Variants in KCNH5 observed in about 807,000 individuals in gnomAD.
The protein encoded by KCNH5 is voltage-gated delayed rectifier potassium channel KCNH5.
KCNH5 carries 46 observed loss-of-function variants against 96.1 expected under a neutral mutation model. That is an observed-to-expected ratio of 0.48 (90% confidence interval 0.38 to 0.61). The LOEUF (loss-of-function observed/expected upper bound fraction) is 0.61. Among genes scored for constraint, KCNH5 ranks in the 20% least tolerant of loss-of-function variants. The pLI, the probability that KCNH5 is intolerant of heterozygous loss-of-function variation, is 0.00. For synonymous variants in KCNH5, 439 were observed against 449.8 expected (o/e 0.98, Z 0.30); for missense variants, 907 against 1,225.8 (o/e 0.74, Z 3.88).
chr14:62,987,149 T>C lies in KCNH5; in HGVS notation c.472A>G (p.Asn158Asp), dbSNP rs767533990. The change falls in exon 5 of 11, where the codon AAT (asparagine) becomes GAT (aspartate). Residue 158 changes from asparagine (N) to aspartate (D), a missense_variant. By Grantham distance (23) the Asn-to-Asp change is conservative. Around this residue, in one of 6 missense-constraint regions of KCNH5, gnomAD observed 370 missense variants for 561.3 expected, o/e 0.66. Coordinates refer to ENST00000322893, the MANE Select transcript of KCNH5 (RefSeq NM_139318.5). ...KFARLTRALT[N>D]SRSVLQQLTP... ...AGCTGCTGCAAAACACTTCGGCTAT[T>C]TGTCAAAGCCCGTGTCAATCGGGCA... The C allele has an allele frequency of 6.2e-7, 1 of 1,613,442 alleles. No individual in the cohort carries two copies. The highest frequency in any genetic ancestry group is 1.3e-5 in the African/African-American group (1 of 74,890).
chr14:62,871,882 T>C (rs867410223), intron 7 of KCNH5, among the ~76,000 whole-genome samples: 1 of 152,166 alleles, frequency 6.6e-6, no homozygotes, highest in Non-Finnish European at 1.5e-5. Context: ...GTAATTTGTA[T>C]GAAAATCTCA....
rs1273201588 is a variant in KCNH5 at position 62,706,300 on chromosome 14, CT to C, written c.*1207del. 5 of 152,090 alleles carry C rather than the reference CT, an allele frequency of 3.3e-5. No homozygotes were observed. Among genetic ancestry groups the C allele is most frequent in the Admixed American group, 2.6e-4 (4 of 15,262 alleles). The allele number at this position is 152,090 out of a possible 1,614,324, so 9.4% of individuals were successfully genotyped here. ...CAGCAGTAGAACTGTGTGCAAAAAG[CT>C]TTAAAAAACTATAACCACAATAAAA... is the stretch of plus-strand genomic sequence containing the variant. On this transcript the variant is annotated 3_prime_UTR_variant, in exon 11 of 11. Coordinates refer to ENST00000322893, the MANE Select transcript of KCNH5 (RefSeq NM_139318.5).
At position 62,700,993 on chromosome 14, in the gene KCNH5, T is replaced by C. The variant is rs1884339288; in HGVS notation, c.*6515A>G. The C allele has an allele frequency of 6.6e-6, 1 of 152,150 alleles. No individual in the cohort carries two copies. Among genetic ancestry groups the C allele is most frequent in the South Asian group, 2.1e-4 (1 of 4,826 alleles). The allele number at this position is 152,150 out of a possible 1,614,324, so 9.4% of individuals were successfully genotyped here. On this transcript the variant is annotated 3_prime_UTR_variant, in exon 11 of 11. Transcript: ENST00000322893. ...TGGGGATAAAATTACTTAAATTAGT[T>C]ATTATGGATACTCAATCTGGTTTAT...
chr14:63,044,639 G>A (rs564451290), intron 1 of KCNH5, among the ~76,000 whole-genome samples: 40 of 152,264 alleles, frequency 2.6e-4, no homozygotes, highest in African/African-American at 9.4e-4. Context: ...CCGTGACCAC[G>A]AGGGCCAAAA....
chr14:62,978,414 G>A (rs180999264), intron 6 of KCNH5, among the ~76,000 whole-genome samples: 3 of 152,076 alleles, frequency 2.0e-5, no homozygotes, highest in Admixed American at 1.3e-4. Flanking sequence ...ACGTAGTTTC[G>A]GTCTTTGCAG....
chr14:62,796,534 T>C (rs971413565), intron 9 of KCNH5, among the ~76,000 whole-genome samples: 15 of 152,212 alleles, frequency 9.9e-5, no homozygotes, highest in Non-Finnish European at 2.9e-5. Context: ...TAGATAGAGA[T>C]TGTCTTAGTT....
intron 1 of KCNH5, among the ~76,000 whole-genome samples, chr14:63,025,968 T>C (rs189658679): frequency 5.7e-4 from 87 of 151,906 alleles, no homozygotes; most frequent in African/African-American, 2.1e-3. Flanking sequence ...CAAAATCTAC[T>C]ACAAAGTTAT....
intron 3 of KCNH5, among the ~76,000 whole-genome samples, chr14:63,005,686 G>GGTT (rs1288945833): frequency 2.0e-5 from 3 of 152,212 alleles, no homozygotes; most frequent in Non-Finnish European, 4.4e-5. Context: ...GAGTTGTTGA[G>GGTT]TATACTGTTG....
rs1886167175 is a variant in KCNH5, at chr14:62,779,669, G to C, written c.2019+59C>G. On this transcript the variant is annotated intron_variant, in intron 10 of 10. Coordinates refer to ENST00000322893, the MANE Select transcript of KCNH5 (RefSeq NM_139318.5). ...TATCTTCTCTACTCTTCAGCTAATA[G>C]AGCTGAATTAATTAATACTCTGGAC... is the stretch of plus-strand genomic sequence containing the variant. 1.0e-5 allele frequency: 14 copies of C among 1,348,072 alleles called. No homozygotes were observed. The Middle Eastern group carries it at 6.0e-4, about 58-fold the overall frequency. 83.5% of individuals were successfully genotyped at this position (1,348,072 alleles called of 1,614,324 possible). A position where few individuals can be genotyped will look rare whatever the true frequency, so the allele number is the denominator to read the frequency against.
intron 8 of KCNH5, among the ~76,000 whole-genome samples, chr14:62,826,555 T>C (rs1022961689): frequency 6.6e-5 from 10 of 152,062 alleles, no homozygotes; most frequent in Admixed American, 2.6e-4. Flanking sequence ...ATATTTACTA[T>C]GTTAGCATAT....
intron 10 of KCNH5, among the ~76,000 whole-genome samples, chr14:62,735,181 G>A (rs936364264): frequency 1.3e-5 from 2 of 152,154 alleles, no homozygotes; most frequent in Non-Finnish European, 2.9e-5. Flanking sequence ...GAAAGTGGGA[G>A]GAGGATTTTG....
intron 6 of KCNH5, among the ~76,000 whole-genome samples, chr14:62,978,742 A>G (rs1312055849): frequency 1.3e-5 from 2 of 152,100 alleles, no homozygotes; most frequent in Non-Finnish European, 2.9e-5. Flanking sequence ...TTATTAAACA[A>G]TATATTTACT....
intron 4 of KCNH5, 80 bp from the exon 5 acceptor site, chr14:62,987,267 T>C: frequency 1.0e-6 from 1 of 974,966 alleles, no homozygotes; most frequent in Non-Finnish European, 1.6e-6. Flanking sequence ...ATTAAAAAGA[T>C]CTCAGCAACC....
intron 7 of KCNH5, among the ~76,000 whole-genome samples, chr14:62,903,286 C>G (rs1888964724): frequency 6.6e-6 from 1 of 152,120 alleles, no homozygotes; most frequent in Admixed American, 6.5e-5. Flanking sequence ...CCTTGTACTA[C>G]CAAATCTCAG....
intron 6 of KCNH5, among the ~76,000 whole-genome samples, chr14:62,955,332 A>T (rs1022975761): frequency 2.0e-5 from 3 of 152,222 alleles, no homozygotes; most frequent in Non-Finnish European, 4.4e-5. Flanking sequence ...ACAGAAAGTT[A>T]GGTCATTTAT....
chr14:62,784,928 T>G (rs945795017), intron 9 of KCNH5, among the ~76,000 whole-genome samples: 4 of 152,180 alleles, frequency 2.6e-5, no homozygotes, highest in Admixed American at 1.3e-4. Context: ...ATGATAAACT[T>G]TATTTCCTGC....
At chr14:62,947,098 A>C (rs899645775) in intron 7 of KCNH5, among the ~76,000 whole-genome samples, 1 of 152,180 alleles carries the variant, frequency 6.6e-6, no homozygotes, top group African/African-American at 2.4e-5. Flanking sequence ...TATAAGATGT[A>C]ATTATTGGAG....
chr14:62,948,674 T>C (rs1889939990), intron 7 of KCNH5, among the ~76,000 whole-genome samples: 2 of 151,232 alleles, frequency 1.3e-5, no homozygotes, highest in African/African-American at 2.5e-5. Context: ...CCAGCATCAT[T>C]CTGATACCAA....
At chr14:62,928,954 T>G (rs1889528077) in intron 7 of KCNH5, among the ~76,000 whole-genome samples, 1 of 151,978 alleles carries the variant, frequency 6.6e-6, no homozygotes, top group Admixed American at 6.6e-5. Context: ...TATCAACAAT[T>G]CCAGAATGTA....
Sources: allele counts gnomAD v4.1 joint callset (sites outside exome capture counted in the v4.1 genomes callset), GRCh38; gene constraint gnomAD v4.1.1; regional missense constraint gnomAD v4.1.1; transcripts MANE v1.5; gene names NCBI Gene and HGNC (gene_info 2026-07-23, HGNC 2026-07-21).